The following PIP4P2 variants were observed in gnomAD, a reference collection of about 807,000 sequenced individuals.
PIP4P2 encodes the protein type 2 phosphatidylinositol 4,5-bisphosphate 4-phosphatase.
PIP4P2 carries 19 observed loss-of-function variants against 33.3 expected under a neutral mutation model. The ratio of observed to expected loss-of-function variants is 0.57; its 90% CI spans 0.40 to 0.84. The LOEUF (loss-of-function observed/expected upper bound fraction) is 0.84, where lower values mean the gene tolerates loss of function less well. PIP4P2 is among the 40% of genes least tolerant of loss of function. PIP4P2 has a pLI of 0.00. For synonymous variants in PIP4P2, 110 were observed against 111.9 expected, an observed-to-expected ratio of 0.98 and a Z score of 0.11; for missense variants, 270 against 324.7, an observed-to-expected ratio of 0.83 and a Z score of 1.29.
intron 6 of PIP4P2, among the ~76,000 whole-genome samples, chr8:90,996,452 G>A (rs1312408442): frequency 1.3e-5 from 2 of 151,954 alleles, no homozygotes; most frequent in Admixed American, 6.6e-5. Flanking sequence ...AAAAGACACC[G>A]TTTCACTTGG....
At chr8:91,035,918 G>T (rs1812226303) in intron 1 of PIP4P2, among the ~76,000 whole-genome samples, 1 of 151,964 alleles carries the variant, frequency 6.6e-6, no homozygotes, top group Non-Finnish European at 1.5e-5. Flanking sequence ...AGACTGAGGT[G>T]GGAGGATTAG....
At chr8:91,013,691 C>T (rs1480493745) in intron 4 of PIP4P2, among the ~76,000 whole-genome samples, 1 of 152,004 alleles carries the variant, frequency 6.6e-6, no homozygotes. Flanking sequence ...CATGCCACTA[C>T]CCCTGGCTAA....
At chr8:91,019,333 T>C (rs1586181193) in intron 3 of PIP4P2, among the ~76,000 whole-genome samples, 1 of 132,192 alleles carries the variant, frequency 7.6e-6, no homozygotes, top group African/African-American at 2.9e-5. Context: ...CCCAGCACTT[T>C]GGGATCACTT....
chr8:91,030,125 T>C (rs1812142838), intron 1 of PIP4P2, among the ~76,000 whole-genome samples: 1 of 151,640 alleles, frequency 6.6e-6, no homozygotes, highest in African/African-American at 2.4e-5. Flanking sequence ...TAAGAATCCC[T>C]TTCCTACTCA....
chr8:91,005,349 T>G (rs896557221), intron 5 of PIP4P2, among the ~76,000 whole-genome samples: 1 of 152,162 alleles, frequency 6.6e-6, no homozygotes, highest in Non-Finnish European at 1.5e-5. Context: ...AGGTAGCTCC[T>G]TCTACAGTGC....
intron 5 of PIP4P2, among the ~76,000 whole-genome samples, chr8:90,999,297 G>A (rs917684064): frequency 1.1e-4 from 16 of 151,838 alleles, no homozygotes; most frequent in South Asian, 4.1e-4. Context: ...AGAAAGGAAC[G>A]TAACATTCAG....
chr8:91,018,344 T>C, intron 4 of PIP4P2, 46 bp downstream of exon 4: 1 of 1,613,136 alleles, frequency 6.2e-7, no homozygotes. Context: ...ATCTGTAAGA[T>C]CATGACCTAT....
intron 1 of PIP4P2, among the ~76,000 whole-genome samples, chr8:91,033,704 C>T (rs1318092407): frequency 6.6e-6 from 1 of 152,222 alleles, no homozygotes; most frequent in African/African-American, 2.4e-5. Context: ...CCCTCATTTA[C>T]ACCTCGCACC....
At chr8:91,033,157 G>T (rs543466239) in intron 1 of PIP4P2, among the ~76,000 whole-genome samples, 1 of 152,248 alleles carries the variant, frequency 6.6e-6, no homozygotes, top group African/African-American at 2.4e-5. Context: ...AATGAAATTT[G>T]CTCTCCAACC....
chr8:91,039,305 C>T (rs1337795788), intron 1 of PIP4P2, among the ~76,000 whole-genome samples: 5 of 152,174 alleles, frequency 3.3e-5, no homozygotes. Flanking sequence ...TGCTGACCAA[C>T]AAAAATGACC....
Position 91,040,348 on chromosome 8 carries a change from A to C in PIP4P2, c.106+296T>G, listed in dbSNP as rs138001577. Among the ~76,000 whole-genome samples the C allele has an allele frequency of 4.8e-3, 733 of 152,212 alleles. 9 individuals are homozygous for C. The highest frequency in any genetic ancestry group is 0.017 in the African/African-American group (694 of 41,540). ...GCAGAGCTTGGGAAATTCATGTCAC[A>C]TACTGTAGCCCTGGGTAAGAAGTGG... On this transcript the variant is annotated intron_variant, in intron 1 of 6. Coordinates refer to ENST00000285419, the MANE Select transcript of PIP4P2 (RefSeq NM_018710.3).
intron 1 of PIP4P2, among the ~76,000 whole-genome samples, chr8:91,034,555 T>C (rs4549728): frequency 0.6 from 91,066 of 152,004 alleles, 28,071 homozygotes; most frequent in Middle Eastern, 0.72. Context: ...CATAGCACAA[T>C]AGGCTTCTCA....
At chr8:90,996,618 G>A in intron 6 of PIP4P2, 36 bp downstream of exon 6, 4 of 1,554,352 alleles carry the variant, frequency 2.6e-6, no homozygotes, top group East Asian at 2.3e-5. Context: ...ATAAAGTTGA[G>A]AGGACAGAAT....
At chr8:90,998,804 T>C (rs1233999522) in intron 5 of PIP4P2, among the ~76,000 whole-genome samples, 3 of 151,856 alleles carry the variant, frequency 2.0e-5, no homozygotes, top group Non-Finnish European at 4.4e-5. Flanking sequence ...ATAACATTTA[T>C]AGTTATATAG....
chr8:91,035,466 A>C (rs1204889484), intron 1 of PIP4P2, among the ~76,000 whole-genome samples: 1 of 152,148 alleles, frequency 6.6e-6, no homozygotes, highest in African/African-American at 2.4e-5. Flanking sequence ...TCTTTCTTAA[A>C]CTTTTGCATG....
chr8:91,036,966 G>C lies in PIP4P2; in HGVS notation c.106+3678C>G, dbSNP rs1289088387. Among the ~76,000 whole-genome samples the C allele has an allele frequency of 2.0e-5, 3 of 152,076 alleles. No individual in the cohort carries two copies. The East Asian group carries it at 5.8e-4, about 29-fold the overall frequency. ...TTTCTCTCTACCAGGCTAGTTTCAGGTTCCATAAAGCATGGCAGTCTCAGA... is the reference window on the plus strand; with the variant it reads ...TTTCTCTCTACCAGGCTAGTTTCAGCTTCCATAAAGCATGGCAGTCTCAGA... On this transcript the variant is annotated intron_variant, in intron 1 of 6. Transcript: ENST00000285419.
chr8:91,002,913 G>T (rs1350311153), intron 5 of PIP4P2, among the ~76,000 whole-genome samples: 1 of 152,108 alleles, frequency 6.6e-6, no homozygotes, highest in African/African-American at 2.4e-5. Context: ...AAATAACTAG[G>T]TTGTGTGTGT....
At chr8:91,017,692 A>C (rs1029932388) in intron 4 of PIP4P2, among the ~76,000 whole-genome samples, 2 of 152,134 alleles carry the variant, frequency 1.3e-5, no homozygotes, top group Non-Finnish European at 2.9e-5. Context: ...ACTCTGATAA[A>C]TATTTTTCAT....
chr8:91,037,213 C>G (rs938594088), intron 1 of PIP4P2, among the ~76,000 whole-genome samples: 1 of 152,152 alleles, frequency 6.6e-6, no homozygotes, highest in Admixed American at 6.5e-5. Context: ...AGAGAGTCTT[C>G]GGAGAATATC....
Sources: allele counts gnomAD v4.1 joint callset (sites outside exome capture counted in the v4.1 genomes callset), GRCh38; gene constraint gnomAD v4.1.1; transcripts MANE v1.5; gene names NCBI Gene and HGNC (gene_info 2026-07-23, HGNC 2026-07-21).